The following PDXDC1 variants were observed in gnomAD, a reference collection of about 807,000 sequenced individuals.
The protein encoded by PDXDC1 is pyridoxal dependent decarboxylase domain containing 1, also known as pyridoxal-dependent decarboxylase domain-containing protein 1.
In PDXDC1, 42 loss-of-function variants were observed where a neutral mutation model predicts 100.1. The observed-to-expected ratio is 0.42, with a 90% confidence interval of 0.33 to 0.54. The LOEUF (loss-of-function observed/expected upper bound fraction) is 0.54, where lower values mean the gene tolerates loss of function less well. Among genes scored for constraint, PDXDC1 ranks in the 20% least tolerant of loss-of-function variants. The probability of loss-of-function intolerance (pLI) is 0.10; values close to 1 mark genes in which losing one functional copy is unlikely to be tolerated. For synonymous variants in PDXDC1, 260 were observed against 371.7 expected (o/e 0.70, Z 3.46); for missense variants, 636 against 979.2 (o/e 0.65, Z 4.68).
intron 13 of PDXDC1, chr16:15,025,875 T>A (rs1286214027): frequency 7.9e-5 from 12 of 152,430 alleles, no homozygotes; most frequent in African/African-American, 2.9e-4. Context: ...AGGAACTCGC[T>A]GCTGGATTAT....
At chr16:14,996,215 A>G (rs1029767234) in intron 1 of PDXDC1, 2 of 240,616 alleles carry the variant, frequency 8.3e-6, no homozygotes, top group Admixed American at 5.0e-5. Context: ...ACAATTTCTG[A>G]ATCTTATATT....
chr16:15,090,942 G>C (rs1257481527), intron 16 of PDXDC1, among the ~76,000 whole-genome samples: 1 of 149,936 alleles, frequency 6.7e-6, no homozygotes, highest in Non-Finnish European at 1.5e-5. Context: ...ATGGAGGAAA[G>C]AGGTAGTAAT....
chr16:15,077,636 T>C (rs925007954), intron 16 of PDXDC1, among the ~76,000 whole-genome samples: 2 of 152,152 alleles, frequency 1.3e-5, no homozygotes, highest in Non-Finnish European at 2.9e-5. Flanking sequence ...GGTCAGGAGA[T>C]TGAGACCATC....
chr16:15,100,572 A>G (rs993885808), intron 16 of PDXDC1, among the ~76,000 whole-genome samples: 1 of 152,136 alleles, frequency 6.6e-6, no homozygotes, highest in African/African-American at 2.4e-5. Flanking sequence ...CCTGGCCTCT[A>G]CCCAGTAGAT....
chr16:15,021,791 C>T (rs1224475834), intron 12 of PDXDC1, among the ~76,000 whole-genome samples: 1 of 152,288 alleles, frequency 6.6e-6, no homozygotes, highest in Non-Finnish European at 1.5e-5. Context: ...CATACATTTC[C>T]TGAGAGCGTA....
intron 16 of PDXDC1, among the ~76,000 whole-genome samples, chr16:15,054,393 G>T (rs2151735652): frequency 6.6e-6 from 1 of 152,248 alleles, no homozygotes; most frequent in African/African-American, 2.4e-5. Context: ...TGCAGCCCGG[G>T]ACACCCATCT....
intron 16 of PDXDC1, chr16:15,048,023 T>G: frequency 6.2e-7 from 1 of 1,613,200 alleles, no homozygotes; most frequent in South Asian, 1.1e-5. Context: ...CACTGCAAGC[T>G]CTCTTTGCTG....
intron 16 of PDXDC1, chr16:15,094,002 T>C (rs1214135881): frequency 2.7e-6 from 2 of 733,646 alleles, no homozygotes; most frequent in African/African-American, 1.8e-5. Context: ...AATGAGCTCA[T>C]TTCTGTGAAC....
intron 16 of PDXDC1, among the ~76,000 whole-genome samples, chr16:15,050,128 C>G (rs1430536539): frequency 6.6e-6 from 1 of 152,138 alleles, no homozygotes; most frequent in Non-Finnish European, 1.5e-5. Context: ...TATGTTAATA[C>G]TAAGTGTCAA....
intron 12 of PDXDC1, among the ~76,000 whole-genome samples, chr16:15,020,545 C>T (rs1411810414): frequency 6.6e-6 from 1 of 152,212 alleles, no homozygotes; most frequent in Non-Finnish European, 1.5e-5. Context: ...AAAAATTAGC[C>T]AGGCATGGTG....
At chr16:14,988,865 G>A (rs1310200104) in intron 1 of PDXDC1, 8 of 1,613,838 alleles carry the variant, frequency 5.0e-6, no homozygotes, top group Non-Finnish European at 6.8e-6. Flanking sequence ...TCTTCTGGAG[G>A]GTCAGCCTCC....
chr16:15,140,444 T>C (rs1598290965), downstream of PDXDC1, among the ~76,000 whole-genome samples: 1 of 92,064 alleles, frequency 1.1e-5, no homozygotes, highest in Non-Finnish European at 2.0e-5. Context: ...TGAAGCTCCA[T>C]CTCAAAAAAA....
intron 1 of PDXDC1, among the ~76,000 whole-genome samples, chr16:14,996,161 G>A (rs1257115293): frequency 8.5e-5 from 13 of 152,270 alleles, no homozygotes; most frequent in African/African-American, 2.4e-4. Context: ...GAACACAGCT[G>A]GAAAATCCCT....
At chr16:15,130,423 T>C (rs2047988220) in intron 16 of PDXDC1, 1 of 1,525,186 alleles carries the variant, frequency 6.6e-7, no homozygotes, top group Non-Finnish European at 9.0e-7. Flanking sequence ...CTGGAGAGGT[T>C]CAGACGGTAA....
the PDXDC1 span, among the ~76,000 whole-genome samples, chr16:15,145,934 T>C: frequency 2.0e-5 from 3 of 152,164 alleles, no homozygotes; most frequent in African/African-American, 7.2e-5. Flanking sequence ...CACGTGTGTC[T>C]CCCTCCAAAG....
chr16:15,104,256 C>T (rs1453718301), intron 16 of PDXDC1: 17 of 1,335,810 alleles, frequency 1.3e-5, no homozygotes, highest in African/African-American at 4.5e-5. Flanking sequence ...AACCTCAGGT[C>T]CCTCAGGCAA....
At chr16:14,976,225 G>GTGCA (rs1966821627) in intron 1 of PDXDC1, among the ~76,000 whole-genome samples, 1 of 152,284 alleles carries the variant, frequency 6.6e-6, no homozygotes, top group African/African-American at 2.4e-5. Context: ...GTCCAATCCA[G>GTGCA]TGCATACCCG....
intron 16 of PDXDC1, among the ~76,000 whole-genome samples, chr16:15,115,204 A>AT (rs1487974981): frequency 2.8e-5 from 4 of 140,958 alleles, no homozygotes; most frequent in African/African-American, 1.1e-4. Context: ...AAGTGCTGGG[A>AT]TTACAGGTGT....
intron 1 of PDXDC1, among the ~76,000 whole-genome samples, chr16:14,994,140 T>A (rs1202878033): frequency 6.6e-6 from 1 of 152,274 alleles, no homozygotes; most frequent in Non-Finnish European, 1.5e-5. Flanking sequence ...GCTCTTTAGT[T>A]TAATTAGATC....
Sources: allele counts gnomAD v4.1 joint callset (sites outside exome capture counted in the v4.1 genomes callset), GRCh38; gene constraint gnomAD v4.1.1; transcripts MANE v1.5; gene names NCBI Gene and HGNC (gene_info 2026-07-23, HGNC 2026-07-21).